AFF2: variants seen among roughly 807,000 people sequenced by gnomAD.
AFF2 encodes the protein AF4/FMR2 family member 2.
AFF2 carries 14 observed loss-of-function variants against 76.9 expected under a neutral mutation model. The ratio of observed to expected loss-of-function variants is 0.18; its 90% confidence interval spans 0.12 to 0.28. The LOEUF (loss-of-function observed/expected upper bound fraction) is 0.28, where lower values mean the gene tolerates loss of function less well. Among genes scored for constraint, AFF2 ranks in the 10% least tolerant of loss-of-function variants. The pLI, the probability that AFF2 is intolerant of heterozygous loss-of-function variation, is 1.00. For synonymous variants in AFF2, 398 were observed against 366.7 expected (o/e 1.09, Z -0.98); for missense variants, 868 against 1,001.1 (o/e 0.87, Z 1.79).
At chrX:148,659,370 C>T (rs1165509743) in intron 2 of AFF2, among the ~76,000 whole-genome samples, 1 of 112,218 alleles carries the variant, frequency 8.9e-6, no homozygotes, top group Non-Finnish European at 1.9e-5. Flanking sequence ...AATGAGCTTT[C>T]ACATTCTTGA....
chrX:148,875,653 T>C (rs2071027721), intron 7 of AFF2, among the ~76,000 whole-genome samples: 1 of 111,943 alleles, frequency 8.9e-6, no homozygotes, highest in African/African-American at 3.2e-5. Context: ...ATACCTTAGA[T>C]TGAGAGTTTG....
At chrX:148,682,136 G>A (rs1396763244) in intron 3 of AFF2, among the ~76,000 whole-genome samples, 1 of 111,854 alleles carries the variant, frequency 8.9e-6, no homozygotes, top group Non-Finnish European at 1.9e-5. Flanking sequence ...AGGTGGCTCA[G>A]TTTGGCTTTG....
intron 11 of AFF2, 127 bp from the exon 12 acceptor site, chrX:148,958,210 C>A: frequency 1.1e-6 from 1 of 939,326 alleles, no homozygotes; most frequent in Admixed American, 2.7e-5. Context: ...ACATTTAACT[C>A]ACCTACCTAA....
intron 1 of AFF2, among the ~76,000 whole-genome samples, chrX:148,546,407 A>G (rs191223046): frequency 1.8e-5 from 2 of 112,210 alleles, no homozygotes; most frequent in Non-Finnish European, 3.8e-5. Flanking sequence ...GCATGTGTGC[A>G]TGCACACACA....
At chrX:148,514,521 C>A (rs1431314146) in intron 1 of AFF2, among the ~76,000 whole-genome samples, 2 of 112,592 alleles carry the variant, frequency 1.8e-5, no homozygotes, top group African/African-American at 6.4e-5. Context: ...AGCAGTGATG[C>A]TACATTTTGG....
At chrX:148,840,882 T>C (rs1327954284) in intron 5 of AFF2, among the ~76,000 whole-genome samples, 5 of 112,076 alleles carry the variant, frequency 4.5e-5, no homozygotes, top group Non-Finnish European at 7.5e-5. Flanking sequence ...ATGTACCTCA[T>C]AAACATTTAC....
At chrX:148,563,157 C>T (rs782154672) in intron 1 of AFF2, among the ~76,000 whole-genome samples, 5 of 111,428 alleles carry the variant, frequency 4.5e-5, no homozygotes, top group South Asian at 7.6e-4. Context: ...CAGAATAAAA[C>T]GAGCCTTGTT....
At chrX:148,665,823 A>G (rs241115) in intron 3 of AFF2, among the ~76,000 whole-genome samples, 22,168 of 111,013 alleles carry the variant, frequency 0.2, 1,656 homozygotes, top group African/African-American at 0.23. Flanking sequence ...CAGTGTAGCC[A>G]TCTTTGATGA....
rs1430911724 is a variant in AFF2 at position 148,813,783 on chromosome X, A to G, written c.1086+3863A>G. On this transcript the variant is annotated intron_variant, in intron 4 of 20. Coordinates refer to ENST00000370460, the MANE Select transcript of AFF2 (RefSeq NM_002025.4). ...AACATTATAGTGGATTCAACCACCA[A>G]TTCATTTCAGCTTCTGTTGTTTCCT... Among the ~76,000 whole-genome samples the G allele has an allele frequency of 3.6e-5, 4 of 112,157 alleles. No individual in the cohort carries two copies. In the Admixed American group the frequency reaches 3.8e-4, roughly 11 times the overall value.
chrX:148,697,528 C>A (rs1424242478), intron 3 of AFF2, among the ~76,000 whole-genome samples: 1 of 111,435 alleles, frequency 9.0e-6, no homozygotes, highest in African/African-American at 3.3e-5. Flanking sequence ...TCTCCTCAGG[C>A]ACATTTCTTT....
intron 3 of AFF2, among the ~76,000 whole-genome samples, chrX:148,695,923 A>G (rs1423999372): frequency 8.9e-6 from 1 of 112,319 alleles, no homozygotes; most frequent in African/African-American, 3.2e-5. Flanking sequence ...TGACAATAAC[A>G]AAGTCTAACA....
chrX:148,563,530 T>C (rs1870324054), intron 1 of AFF2, among the ~76,000 whole-genome samples: 1 of 110,571 alleles, frequency 9.0e-6, no homozygotes, highest in African/African-American at 3.3e-5. Flanking sequence ...TGGAGGTGAA[T>C]GAAAGGGAGG....
chrX:148,849,615 C>T (rs1344139142), intron 7 of AFF2, among the ~76,000 whole-genome samples: 1 of 110,954 alleles, frequency 9.0e-6, no homozygotes, highest in Non-Finnish European at 1.9e-5. Context: ...TGCCAGCAAC[C>T]CAACTAACTC....
chrX:148,932,609 T>C (rs1217012339), intron 9 of AFF2, among the ~76,000 whole-genome samples: 2 of 111,927 alleles, frequency 1.8e-5, no homozygotes, highest in African/African-American at 6.5e-5. Context: ...TTAACTGGGT[T>C]CCAGCATTAT....
chrX:148,676,988 A>G (rs782742280), intron 3 of AFF2, among the ~76,000 whole-genome samples: 5 of 110,957 alleles, frequency 4.5e-5, no homozygotes, highest in African/African-American at 1.6e-4. Context: ...GGGGGAAGGG[A>G]GTAACATGTT....
At chrX:148,811,263 C>T (rs1353429448) in intron 4 of AFF2, among the ~76,000 whole-genome samples, 1 of 111,146 alleles carries the variant, frequency 9.0e-6, no homozygotes, top group African/African-American at 3.3e-5. Context: ...TCCCTACCCC[C>T]TCATCTGCGG....
chrX:148,867,449 C>G (rs782467050), intron 7 of AFF2, among the ~76,000 whole-genome samples: 1 of 112,540 alleles, frequency 8.9e-6, no homozygotes, highest in Non-Finnish European at 1.9e-5. Flanking sequence ...AGCCAGGTAG[C>G]TTCCTATCTA....
At chrX:148,525,925 G>C (rs1557235142) in intron 1 of AFF2, among the ~76,000 whole-genome samples, 1 of 111,605 alleles carries the variant, frequency 9.0e-6, no homozygotes, top group East Asian at 2.8e-4. Context: ...CAGGGTACCA[G>C]ACTTTACCAA....
chrX:148,524,839 C>T (rs183418536), intron 1 of AFF2, among the ~76,000 whole-genome samples: 1 of 112,252 alleles, frequency 8.9e-6, no homozygotes, highest in East Asian at 2.8e-4. Context: ...CTGTAACTGC[C>T]ACATCACCAT....
Sources: allele counts gnomAD v4.1 joint callset (sites outside exome capture counted in the v4.1 genomes callset), GRCh38; gene constraint gnomAD v4.1.1; transcripts MANE v1.5; gene names NCBI Gene and HGNC (gene_info 2026-07-23, HGNC 2026-07-21).